The following GNG7 variants were observed in gnomAD, a reference collection of about 807,000 sequenced individuals.
GNG7 encodes G protein subunit gamma 7.
GNG7 carries 1 observed loss-of-function variant against 4.0 expected under a neutral mutation model. That is an observed-to-expected ratio of 0.25 (90% CI 0.09 to 1.18). GNG7 has a LOEUF of 1.18. Among genes scored for constraint, GNG7 ranks in the 50% most tolerant of loss-of-function variants. The probability of loss-of-function intolerance (pLI) is 0.50; values close to 1 mark genes in which losing one functional copy is unlikely to be tolerated. For missense variants in GNG7, 86 were observed against 91.9 expected, an observed-to-expected ratio of 0.94 and a Z score of 0.26; for synonymous variants, 34 against 36.9, an observed-to-expected ratio of 0.92 and a Z score of 0.29.
At chr19:2,517,388 A>G (rs1345764724) in intron 4 of GNG7, among the ~76,000 whole-genome samples, 3 of 151,934 alleles carry the variant, frequency 2.0e-5, no homozygotes, top group Admixed American at 2.0e-4. Context: ...TTTTTGAGAC[A>G]GAGTCTCACT....
chr19:2,557,468 G>T lies in GNG7; in HGVS notation c.-77-2280C>A, dbSNP rs958887875. 6.6e-6 allele frequency among the ~76,000 whole-genome samples: 1 copy of T among 152,214 alleles called. No individual in the cohort carries two copies. The highest frequency in any genetic ancestry group is 1.5e-5 in the Non-Finnish European group (1 of 68,048). On this transcript the variant is annotated intron_variant, in intron 2 of 4. Transcript: ENST00000382159. This position sits in a 1 kb window ranked among gnomAD's most constrained non-coding sequence, Gnocchi z 5.1. ...CATGCACAGACTCAAGAAACGAGGG[G>T]CTGCAGGACTTTTCCTCCTCCTGCC...
At position 2,659,592 on chromosome 19, in the gene GNG7, TAAAA is replaced by T. The variant is rs879035849; in HGVS notation, c.-134-13316_-134-13313del. On this transcript the variant is annotated intron_variant, in intron 1 of 4. Coordinates refer to ENST00000382159, the MANE Select transcript of GNG7 (RefSeq NM_052847.3). The stretch of plus-strand genomic sequence containing the variant: ...GAAATAGAGGAGTGAGACTCCATCT[TAAAA>T]AAAAAAAAAAAAAAAGAGAGGAGGG... Among the ~76,000 whole-genome samples, 36 of 43,466 alleles carry T rather than the reference TAAAA, an allele frequency of 8.3e-4. 1 individual carries two copies. The highest frequency in any genetic ancestry group is 3.5e-3 in the African/African-American group (33 of 9,344). The allele number at this position is 43,466 out of a possible 152,430, so 28.5% of individuals were successfully genotyped here. A position where few individuals can be genotyped will look rare whatever the true frequency, so the allele number is the denominator to read the frequency against.
At chr19:2,673,096 C>A (rs7255693) in intron 1 of GNG7, among the ~76,000 whole-genome samples, 58,520 of 150,560 alleles carry the variant, frequency 0.39, 12,158 homozygotes, top group East Asian at 0.56. Flanking sequence ...CTCTACTAAA[C>A]AATACAAAAA....
At chr19:2,613,446 C>A (rs1259430040) in intron 2 of GNG7, among the ~76,000 whole-genome samples, 2 of 151,766 alleles carry the variant, frequency 1.3e-5, no homozygotes, top group African/African-American at 2.4e-5. Flanking sequence ...ACAGTAGATA[C>A]AAGAATAAAC....
At position 2,557,059 on chromosome 19, in the gene GNG7, GCACGCACACAGACA is replaced by G. The variant is rs1422263281; in HGVS notation, c.-77-1885_-77-1872del. ...GACACACGCACACTCACACACATAT[GCACGCACACAGACA>G]CACGCACACACGTGCACACAGGAAT... On this transcript the variant is annotated intron_variant, in intron 2 of 4. Coordinates refer to ENST00000382159, the MANE Select transcript of GNG7 (RefSeq NM_052847.3). This position sits in a 1 kb window ranked among gnomAD's most constrained non-coding sequence, Gnocchi z 5.1. 7.1e-6 allele frequency among the ~76,000 whole-genome samples: 1 copy of G among 141,464 alleles called. No individual in the cohort carries two copies. Among genetic ancestry groups the G allele is most frequent in the Non-Finnish European group, 1.6e-5 (1 of 63,232 alleles). 92.8% of individuals were successfully genotyped at this position (141,464 alleles called of 152,430 possible).
chr19:2,538,631 TAAA>T lies in GNG7; in HGVS notation c.-38+16515_-38+16517del, dbSNP rs1231264309. ...GGGCAACAGAGCAAGACCCTGTCTT[TAAA>T]AAAACACAATAGAAAGGCATGCATA... On this transcript the variant is annotated intron_variant, in intron 3 of 4. Coordinates refer to ENST00000382159, the MANE Select transcript of GNG7 (RefSeq NM_052847.3). The T allele has an allele frequency of 9.1e-6, 4 of 437,870 alleles. No homozygotes were observed. The East Asian group carries it at 2.9e-4, about 32-fold the overall frequency. 27.1% of individuals were successfully genotyped at this position (437,870 alleles called of 1,614,324 possible). A position where few individuals can be genotyped will look rare whatever the true frequency, so the allele number is the denominator to read the frequency against.
intron 2 of GNG7, among the ~76,000 whole-genome samples, chr19:2,597,976 T>G (rs1335318233): frequency 2.0e-5 from 3 of 151,914 alleles, no homozygotes; most frequent in Non-Finnish European, 4.4e-5. Flanking sequence ...CGCTCCATAT[T>G]GCTGTACGTA....
intron 1 of GNG7, among the ~76,000 whole-genome samples, chr19:2,702,180 C>G (rs1261416050): frequency 6.7e-6 from 1 of 150,126 alleles, no homozygotes; most frequent in African/African-American, 2.5e-5. Context: ...CCCCCAGCCC[C>G]CTCCTCAGCT....
intron 2 of GNG7, among the ~76,000 whole-genome samples, chr19:2,560,409 G>T (rs1319485986): frequency 1.3e-5 from 2 of 152,052 alleles, no homozygotes; most frequent in Admixed American, 6.5e-5. Flanking sequence ...GCTTTAGGGG[G>T]CCCAAGCAGG....
chr19:2,564,624 A>G (rs1979845959), intron 2 of GNG7, among the ~76,000 whole-genome samples: 1 of 152,050 alleles, frequency 6.6e-6, no homozygotes. Context: ...TGCAGAGGAG[A>G]GGACATGGCT....
intron 3 of GNG7, among the ~76,000 whole-genome samples, chr19:2,526,024 G>A (rs190407640): frequency 1.3e-3 from 182 of 135,398 alleles, no homozygotes; most frequent in African/African-American, 4.9e-3. Flanking sequence ...AGGCTGGAGT[G>A]CAGTGGCGCG....
At chr19:2,567,499 A>AT (rs1418150761) in intron 2 of GNG7, among the ~76,000 whole-genome samples, 1 of 151,910 alleles carries the variant, frequency 6.6e-6, no homozygotes, top group East Asian at 1.9e-4. Context: ...TAATTTTTGC[A>AT]TTTTTTTGTA....
chr19:2,518,563 C>G (rs112529812), intron 4 of GNG7, among the ~76,000 whole-genome samples: 3 of 152,120 alleles, frequency 2.0e-5, no homozygotes, highest in Non-Finnish European at 2.9e-5. Context: ...ACTCACCGGC[C>G]GATCAGAACC....
rs368823754 is a variant in GNG7, at chr19:2,672,336, TG to T, written c.-134-26057del. On this transcript the variant is annotated intron_variant, in intron 1 of 4. Coordinates refer to ENST00000382159, the MANE Select transcript of GNG7 (RefSeq NM_052847.3). ...GCACCTGGCCTATTTTTAAATATTT[TG>T]TAGAGATGGGGTCTCACTGTGTTGC... Among the ~76,000 whole-genome samples, 446 of 152,056 alleles carry T rather than the reference TG, an allele frequency of 2.9e-3. 2 individuals are homozygous for T. The highest frequency in any genetic ancestry group is 0.017 in the Middle Eastern group (5 of 294).
At chr19:2,515,436 T>C (rs936782174) in intron 4 of GNG7, among the ~76,000 whole-genome samples, 122 of 150,130 alleles carry the variant, frequency 8.1e-4, no homozygotes, top group African/African-American at 2.7e-3. Context: ...TTTCTTTCTT[T>C]TTTTTTTTTG....
intron 2 of GNG7, among the ~76,000 whole-genome samples, chr19:2,563,917 C>T (rs1181792660): frequency 6.6e-6 from 1 of 151,542 alleles, no homozygotes; most frequent in Non-Finnish European, 1.5e-5. Flanking sequence ...CATACATAAA[C>T]AACACAGCAG....
chr19:2,681,910 G>A (rs1009469246), intron 1 of GNG7, among the ~76,000 whole-genome samples: 1 of 152,112 alleles, frequency 6.6e-6, no homozygotes, highest in East Asian at 1.9e-4. Context: ...GATAGTTTCT[G>A]TTTCTTTGTT....
chr19:2,657,350 AAAAAAAAAAAAATATATATAT>A (rs1302137223), intron 1 of GNG7, among the ~76,000 whole-genome samples: 305 of 25,282 alleles, frequency 0.012, 33 homozygotes, highest in African/African-American at 0.027. Context: ...AAAAAAAAAA[AAAAAAAAAAAAATATATATAT>A]ATATATATAT....
Position 2,611,288 on chromosome 19 carries a change from G to A in GNG7, c.-78+34936C>T, listed in dbSNP as rs894204728. On this transcript the variant is annotated intron_variant, in intron 2 of 4. Transcript: ENST00000382159. This position sits in a 1 kb window ranked among gnomAD's most constrained non-coding sequence, Gnocchi z 6.0. ...TCAGGGGCGAGGAATTCCGCCTGGCGAGCGTCTAGACTGCGGTGTTTCTGG... is the reference window on the plus strand; with the variant it reads ...TCAGGGGCGAGGAATTCCGCCTGGCAAGCGTCTAGACTGCGGTGTTTCTGG... The A allele has an allele frequency of 2.6e-5, 4 of 152,272 alleles. 1 individual carries two copies. Among genetic ancestry groups the A allele is most frequent in the South Asian group, 4.1e-4 (2 of 4,832 alleles). The allele number at this position is 152,272 out of a possible 1,614,324, so 9.4% of individuals were successfully genotyped here.
Sources: gnomAD v4.1 joint callset for allele counts (sites outside exome capture counted in the v4.1 genomes callset) on GRCh38, gnomAD v4.1.1 for gene constraint, Gnocchi (gnomAD v3.1) non-coding constraint, MANE v1.5 for transcripts, NCBI Gene and HGNC (gene_info 2026-07-23, HGNC 2026-07-21) for gene names.